ZNF407: variants seen among roughly 807,000 people sequenced by gnomAD.
ZNF407 encodes the protein zinc finger protein 407.
Under a neutral mutation model 131.2 loss-of-function variants are expected in ZNF407, and 17 were observed. That is an observed-to-expected ratio of 0.13 (90% CI 0.09 to 0.19). ZNF407 has a LOEUF of 0.19. Ranked by LOEUF, ZNF407 falls within the 10% of genes least tolerant of loss-of-function variation. ZNF407 has a pLI of 1.00. For missense variants in ZNF407, 2,681 were observed against 2,830.6 expected, an observed-to-expected ratio of 0.95 and a Z score of 1.20; for synonymous variants, 1,156 against 1,062.0, an observed-to-expected ratio of 1.09 and a Z score of -1.72.
At chr18:74,860,738 C>G (rs530817354) in intron 4 of ZNF407, among the ~76,000 whole-genome samples, 2 of 152,070 alleles carry the variant, frequency 1.3e-5, no homozygotes, top group East Asian at 3.9e-4. Flanking sequence ...TACCAGATGA[C>G]TTTTTCAGCA....
intron 4 of ZNF407, among the ~76,000 whole-genome samples, chr18:74,796,822 T>A (rs946840861): frequency 4.6e-5 from 7 of 152,182 alleles, no homozygotes; most frequent in African/African-American, 1.7e-4. Flanking sequence ...ACGGAATTTA[T>A]CTCATCATTA....
rs1838898968 is a variant in ZNF407 at position 74,633,076 on chromosome 18, C to T, written c.2057C>T (p.Pro686Leu). 2 of 1,613,788 alleles carry T rather than the reference C, an allele frequency of 1.2e-6. 1 individual carries two copies. The highest frequency in any genetic ancestry group is 2.2e-5 in the South Asian group (2 of 91,068). The change falls in exon 2 of 9, where the codon CCT becomes CTT. Residue 686 changes from proline (P) to leucine (L), a missense_variant. Pro to Leu is a moderately conservative substitution (Grantham distance 98). Around this residue, in one of 6 missense-constraint regions of ZNF407, gnomAD observed 1,789 missense variants for 1,748.7 expected, o/e 1.02. Coordinates refer to ENST00000299687, the MANE Select transcript of ZNF407 (RefSeq NM_017757.3). ...TCAGGAAAAGCATCTCAGGAAGAAC[C>T]TCTGAAGTCCAGGGTAAGCCATGGT... ...DDSGKASQEE[P>L]LKSRVSHGNE...
chr18:74,946,029 A>G (rs902211215), intron 8 of ZNF407, among the ~76,000 whole-genome samples: 2 of 152,180 alleles, frequency 1.3e-5, no homozygotes, highest in African/African-American at 4.8e-5. Context: ...CGTCACCCCC[A>G]AAGTAGTCAT....
At chr18:74,657,591 G>C (rs1295455737) in intron 3 of ZNF407, among the ~76,000 whole-genome samples, 2 of 152,122 alleles carry the variant, frequency 1.3e-5, no homozygotes, top group Admixed American at 1.3e-4. Context: ...TCTTTGCGAT[G>C]GTGTATGCTC....
intron 7 of ZNF407, among the ~76,000 whole-genome samples, chr18:74,914,012 G>A (rs183035251): frequency 9.2e-5 from 14 of 152,300 alleles, no homozygotes; most frequent in Admixed American, 2.0e-4. Flanking sequence ...TTTAAATTCT[G>A]TACGTCAAAG....
At chr18:74,851,685 T>G (rs1458071131) in intron 4 of ZNF407, among the ~76,000 whole-genome samples, 1 of 152,216 alleles carries the variant, frequency 6.6e-6, no homozygotes, top group Admixed American at 6.5e-5. Flanking sequence ...TGATTTATTT[T>G]ATTCCACTGG....
chr18:74,909,813 C>T (rs192185851), intron 7 of ZNF407, among the ~76,000 whole-genome samples: 8 of 149,824 alleles, frequency 5.3e-5, no homozygotes, highest in Admixed American at 1.3e-4. Flanking sequence ...TTATAGTATT[C>T]GTGTAGTCAA....
At chr18:74,936,884 A>G (rs919196093) in intron 8 of ZNF407, among the ~76,000 whole-genome samples, 1 of 152,192 alleles carries the variant, frequency 6.6e-6, no homozygotes, top group Non-Finnish European at 1.5e-5. Flanking sequence ...TAATTCTCAA[A>G]CTTTTTGGTG....
chr18:74,921,566 T>C (rs908729422), intron 8 of ZNF407, among the ~76,000 whole-genome samples: 1 of 152,236 alleles, frequency 6.6e-6, no homozygotes, highest in Admixed American at 6.5e-5. Flanking sequence ...TTATTGGCCA[T>C]ATGACCTCAG....
intron 4 of ZNF407, among the ~76,000 whole-genome samples, chr18:74,870,292 C>G (rs927551427): frequency 3.3e-5 from 5 of 152,138 alleles, no homozygotes; most frequent in Non-Finnish European, 5.9e-5. Flanking sequence ...GGTTAATTTT[C>G]TTTTCCAACT....
chr18:74,872,403 C>T (rs990778230), intron 4 of ZNF407, among the ~76,000 whole-genome samples: 1 of 152,108 alleles, frequency 6.6e-6, no homozygotes, highest in Non-Finnish European at 1.5e-5. Context: ...ATATTCCATT[C>T]TGTGATTAAA....
chr18:74,766,223 G>A (rs1483755133), intron 3 of ZNF407, among the ~76,000 whole-genome samples: 1 of 152,218 alleles, frequency 6.6e-6, no homozygotes, highest in African/African-American at 2.4e-5. Flanking sequence ...CAGTTGAGAA[G>A]TGAGGAGGGA....
intron 8 of ZNF407, among the ~76,000 whole-genome samples, chr18:74,940,733 G>A (rs1972088117): frequency 6.6e-6 from 1 of 152,136 alleles, no homozygotes; most frequent in African/African-American, 2.4e-5. Flanking sequence ...GAAAATGAAG[G>A]AAGCCTCTCT....
chr18:74,902,295 A>G lies in ZNF407; in HGVS notation c.5249+12257A>G, dbSNP rs953505399. Among the ~76,000 whole-genome samples, 24 of 152,100 alleles carry G rather than the reference A, an allele frequency of 1.6e-4. 1 individual carries two copies. ...CAACACTCCAGCTGACATAATTACA[A>G]CCTGCGCACAGCAGTTATTCAAGTC... On this transcript the variant is annotated intron_variant, in intron 7 of 8. Transcript: ENST00000299687.
At chr18:74,820,522 G>C (rs780034149) in intron 4 of ZNF407, among the ~76,000 whole-genome samples, 5 of 152,172 alleles carry the variant, frequency 3.3e-5, no homozygotes, top group Non-Finnish European at 5.9e-5. Context: ...ATTCTGTTTT[G>C]GTGCAAAGTG....
intron 4 of ZNF407, among the ~76,000 whole-genome samples, chr18:74,796,016 T>C (rs761358844): frequency 5.9e-5 from 9 of 152,268 alleles, no homozygotes; most frequent in Admixed American, 1.3e-4. Context: ...TTTTGGAACA[T>C]GAGCATTGAG....
chr18:74,967,355 A>T (rs1378202538), intron 8 of ZNF407, among the ~76,000 whole-genome samples: 1 of 152,234 alleles, frequency 6.6e-6, no homozygotes, highest in African/African-American at 2.4e-5. Context: ...AAAATTCTAA[A>T]TACTATCATT....
chr18:74,781,179 T>A (rs112180557), intron 3 of ZNF407, among the ~76,000 whole-genome samples: 4 of 152,276 alleles, frequency 2.6e-5, no homozygotes, highest in South Asian at 4.2e-4. Flanking sequence ...AGAACTACAA[T>A]CATTGTGCTC....
At chr18:75,052,787 A>T (rs1168061587) in intron 8 of ZNF407, among the ~76,000 whole-genome samples, 1 of 152,182 alleles carries the variant, frequency 6.6e-6, no homozygotes, top group Non-Finnish European at 1.5e-5. Context: ...CACCCGGTAC[A>T]CAGCTTTGCT....
Sources: allele counts gnomAD v4.1 joint callset (sites outside exome capture counted in the v4.1 genomes callset), GRCh38; gene constraint gnomAD v4.1.1; regional missense constraint gnomAD v4.1.1; transcripts MANE v1.5; gene names NCBI Gene and HGNC (gene_info 2026-07-23, HGNC 2026-07-21).